CLOCK: variants seen among roughly 807,000 people sequenced by gnomAD.
CLOCK encodes the protein clock circadian regulator.
Under a neutral mutation model 118.4 loss-of-function variants are expected in CLOCK, and 43 were observed. The ratio of observed to expected loss-of-function variants is 0.36; its 90% CI spans 0.28 to 0.47. The LOEUF is 0.47. CLOCK is among the 20% of genes least tolerant of loss of function. The pLI is 1.00. For missense variants in CLOCK, 846 were observed against 999.9 expected (o/e 0.85, Z 2.08); for synonymous variants, 326 against 339.2 (o/e 0.96, Z 0.43).
chr4:55,444,300 C>G (rs1421953421), intron 19 of CLOCK, among the ~76,000 whole-genome samples: 2 of 152,090 alleles, frequency 1.3e-5, no homozygotes, highest in African/African-American at 4.8e-5. Flanking sequence ...AAAAATATTA[C>G]TGATGATTGA....
At chr4:55,512,246 T>C (rs1729201117) in intron 1 of CLOCK, among the ~76,000 whole-genome samples, 1 of 152,126 alleles carries the variant, frequency 6.6e-6, no homozygotes, top group Non-Finnish European at 1.5e-5. Flanking sequence ...TCACCAGCAC[T>C]GGATGTAGTT....
At chr4:55,460,385 T>C (rs974028825) in intron 9 of CLOCK, among the ~76,000 whole-genome samples, 4 of 152,252 alleles carry the variant, frequency 2.6e-5, no homozygotes, top group Non-Finnish European at 5.9e-5. Context: ...TCGAACTTGA[T>C]TGTCCCATTA....
chr4:55,454,774 A>G (rs1724792412), intron 13 of CLOCK, among the ~76,000 whole-genome samples: 1 of 152,060 alleles, frequency 6.6e-6, no homozygotes, highest in Non-Finnish European at 1.5e-5. Context: ...CCTTGACTAT[A>G]AAGTCTTTTT....
intron 1 of CLOCK, among the ~76,000 whole-genome samples, chr4:55,518,756 C>CTGGG (rs1729675279): frequency 6.6e-6 from 1 of 152,204 alleles, no homozygotes. Flanking sequence ...TGATTTTGGA[C>CTGGG]TTCCCAGTCT....
intron 2 of CLOCK, among the ~76,000 whole-genome samples, chr4:55,509,672 A>T (rs1464091853): frequency 6.6e-6 from 1 of 152,256 alleles, no homozygotes; most frequent in African/African-American, 2.4e-5. Context: ...TTTGAGCACT[A>T]GTTTTGAGAA....
At chr4:55,522,159 A>G (rs192004839) in intron 1 of CLOCK, among the ~76,000 whole-genome samples, 141 of 152,316 alleles carry the variant, frequency 9.3e-4, no homozygotes, top group African/African-American at 3.0e-3. Context: ...AAGGCAAAAC[A>G]TATCAATTTT....
In CLOCK at chr4:55,522,026, G is replaced by A. The variant is rs1259445250; in HGVS notation, c.-289-11961C>T. Among the ~76,000 whole-genome samples, 8 of 152,036 alleles carry A rather than the reference G, an allele frequency of 5.3e-5. No individual in the cohort carries two copies. The East Asian group carries it at 1.5e-3, about 29-fold the overall frequency. On this transcript the variant is annotated intron_variant, in intron 1 of 22. Coordinates refer to ENST00000513440, the MANE Select transcript of CLOCK (RefSeq NM_004898.4). ...AAAAGGCAGCATTATAAACAAAGAGGGAAAGAATGGACTATCCATTAATGG... is the reference window on the plus strand; with the variant it reads ...AAAAGGCAGCATTATAAACAAAGAGAGAAAGAATGGACTATCCATTAATGG...
At chr4:55,451,283 T>A (rs1724425390) in intron 15 of CLOCK, among the ~76,000 whole-genome samples, 2 of 152,222 alleles carry the variant, frequency 1.3e-5, no homozygotes, top group African/African-American at 4.8e-5. Flanking sequence ...AACACTCATC[T>A]AAAATTTAAC....
intron 9 of CLOCK, among the ~76,000 whole-genome samples, chr4:55,461,254 T>C (rs1349097130): frequency 6.6e-6 from 1 of 152,194 alleles, no homozygotes; most frequent in Non-Finnish European, 1.5e-5. Flanking sequence ...GCTAGGATTA[T>C]ATGGTTTTCC....
Position 55,452,188 on chromosome 4 carries a change from G to A in CLOCK, c.1206+866C>T, listed in dbSNP as rs546851522. The stretch of plus-strand genomic sequence containing the variant: ...TGCATAGAATAGACAAAAGTGGTGA[G>A]GTATCAATCCTGTGATTAGGTTACA... On this transcript the variant is annotated intron_variant, in intron 15 of 22. Coordinates refer to ENST00000513440, the MANE Select transcript of CLOCK (RefSeq NM_004898.4). 2.0e-5 allele frequency: 3 copies of A among 152,250 alleles called. No homozygotes were observed. The South Asian group carries it at 6.2e-4, about 32-fold the overall frequency. 9.4% of individuals were successfully genotyped at this position (152,250 alleles called of 1,614,324 possible).
chr4:55,546,022 A>C (rs1731595278), intron 1 of CLOCK: 1 of 152,258 alleles, frequency 6.6e-6, no homozygotes. Context: ...GGCCGTTCGG[A>C]CTGCGGACTG....
chr4:55,450,129 G>A lies in CLOCK; in HGVS notation c.1310C>T (p.Ser437Leu). Residue 437 changes from serine to leucine, a missense_variant, in exon 16 of 23, where the codon TCA (serine) becomes TTA (leucine). Ser to Leu is a moderately radical substitution (Grantham distance 145). Transcript: ENST00000513440. ...SPTPSASSRS[S>L]RKSSHTAVSD... ...GACGGCCGTGTGAGATGATTTTCTT[G>A]AACTCCGAGAAGAGGCAGAAGGGGT... 1 of 1,614,112 alleles carries A rather than the reference G, an allele frequency of 6.2e-7. No homozygotes were observed. Among genetic ancestry groups the A allele is most frequent in the Non-Finnish European group, 8.5e-7 (1 of 1,179,996 alleles).
chr4:55,440,118 G>A (rs1723238872), intron 21 of CLOCK, among the ~76,000 whole-genome samples: 1 of 151,968 alleles, frequency 6.6e-6, no homozygotes, highest in Non-Finnish European at 1.5e-5. Context: ...TGCTACACTG[G>A]CACACAGTTC....
At chr4:55,454,613 CAAAAA>C (rs10566273) in intron 13 of CLOCK, among the ~76,000 whole-genome samples, 3 of 69,482 alleles carry the variant, frequency 4.3e-5, no homozygotes, top group African/African-American at 6.2e-5. Context: ...GACTCCATCC[CAAAAA>C]AAAAAAAAAA....
chr4:55,467,079 C>A (rs933937537), intron 8 of CLOCK, among the ~76,000 whole-genome samples: 1 of 152,068 alleles, frequency 6.6e-6, no homozygotes, highest in African/African-American at 2.4e-5. Context: ...TTTTTCTGTA[C>A]ATCTAAAAAT....
At chr4:55,443,923 T>G in intron 19 of CLOCK, 27 bp from the exon 20 acceptor site, 5 of 1,595,026 alleles carry the variant, frequency 3.1e-6, no homozygotes, top group Non-Finnish European at 4.3e-6. Flanking sequence ...TATGTTAAAA[T>G]GAGCTTTGTA....
intron 16 of CLOCK, among the ~76,000 whole-genome samples, 189 bp from the exon 17 acceptor site, chr4:55,449,685 T>C (rs1724249511): frequency 6.6e-6 from 1 of 152,062 alleles, no homozygotes; most frequent in African/African-American, 2.4e-5. Flanking sequence ...ACAAAGAAAA[T>C]AGTTGAAATA....
rs1723661156 is a variant in CLOCK, at chr4:55,444,786, C to G, written c.1540-1G>C. The G allele has an allele frequency of 1.2e-6, 2 of 1,613,860 alleles. No individual in the cohort carries two copies. The highest frequency in any genetic ancestry group is 1.7e-6 in the Non-Finnish European group (2 of 1,179,920). ...CTCCTAATTGAGCTGAAAACTGAAA[C>G]TGAAGTACCATGTACGGAAAAAGTG... On this transcript the variant is annotated splice_acceptor_variant, in intron 18 of 22. Transcript: ENST00000513440. LOFTEE classifies it high-confidence loss of function.
In CLOCK at chr4:55,456,010, T is replaced by C; in HGVS notation, c.876-7A>G. On this transcript the variant is annotated splice_region_variant and splice_polypyrimidine_tract_variant and intron_variant, in intron 12 of 22. Coordinates refer to ENST00000513440, the MANE Select transcript of CLOCK (RefSeq NM_004898.4). The stretch of plus-strand genomic sequence containing the variant: ...CCCTATTATGGGTGGTGCCCTAAAT[T>C]ACACAGAAAACAATCATTATTATAA... 1.3e-6 allele frequency: 2 copies of C among 1,594,362 alleles called. No individual in the cohort carries two copies. Among genetic ancestry groups the C allele is most frequent in the Non-Finnish European group, 1.7e-6 (2 of 1,164,444 alleles).
Sources: gnomAD v4.1 joint callset for allele counts (sites outside exome capture counted in the v4.1 genomes callset) on GRCh38, gnomAD v4.1.1 for gene constraint, MANE v1.5 for transcripts, NCBI Gene and HGNC (gene_info 2026-07-23, HGNC 2026-07-21) for gene names.